TYW1: variants seen among roughly 807,000 people sequenced by gnomAD.
The protein encoded by TYW1 is tRNA-yW synthesizing protein 1 homolog.
In TYW1, 46 loss-of-function variants were observed where a neutral mutation model predicts 96.2. The observed-to-expected ratio is 0.48, with a 90% CI of 0.38 to 0.61. TYW1 has a LOEUF of 0.61. Ranked by LOEUF, TYW1 falls within the 20% of genes least tolerant of loss-of-function variation. The pLI is 0.00. For missense variants in TYW1, 684 were observed against 909.6 expected (o/e 0.75, Z 3.19); for synonymous variants, 274 against 323.0 (o/e 0.85, Z 1.63).
chr7:67,064,026 A>C (rs1795784436), intron 9 of TYW1, among the ~76,000 whole-genome samples: 1 of 152,232 alleles, frequency 6.6e-6, no homozygotes, highest in Admixed American at 6.5e-5. Flanking sequence ...GGATGCTGAA[A>C]ATTTTTAAAA....
At chr7:67,032,927 C>T (rs546318585) in intron 7 of TYW1, among the ~76,000 whole-genome samples, 11 of 99,646 alleles carry the variant, frequency 1.1e-4, no homozygotes, top group African/African-American at 4.3e-4. Context: ...GACAGAATCT[C>T]GCTGTCTCAT....
intron 4 of TYW1, among the ~76,000 whole-genome samples, chr7:67,012,901 AAACC>A (rs1793862254): frequency 6.6e-6 from 1 of 151,706 alleles, no homozygotes; most frequent in Non-Finnish European, 1.5e-5. Context: ...TTAAAAAAAA[AAACC>A]AAAACAGAAA....
intron 12 of TYW1, among the ~76,000 whole-genome samples, chr7:67,109,521 A>C (rs573032354): frequency 7.0e-4 from 107 of 152,342 alleles, no homozygotes; most frequent in African/African-American, 2.4e-3. Flanking sequence ...GTTGCATCTC[A>C]GTAAGAAAAA....
In TYW1 at chr7:67,183,188, C is replaced by T. The variant is rs1377652144; in HGVS notation, c.1761C>T (p.Ala587=). 6.2e-7 allele frequency: 1 copy of T among 1,611,142 alleles called. No individual in the cohort carries two copies. The highest frequency in any genetic ancestry group is 1.3e-5 in the African/African-American group (1 of 74,834). The change falls in exon 14 of 16, where the codon GCC becomes GCT. Residue 587 remains alanine (A), a synonymous_variant. Transcript: ENST00000359626. Reference sequence around the variant, plus strand: ...CATGGAACGTGGACGAGCTCCAGGCCTACGCGCAGCTCGTGTCCCTGGGGA... The same window carrying T: ...CATGGAACGTGGACGAGCTCCAGGCTTACGCGCAGCTCGTGTCCCTGGGGA... The part of the protein sequence containing the change: ...VKAWNVDELQ[A]YAQLVSLGNP...
Position 67,158,640 on chromosome 7 carries a change from G to A in TYW1, c.1699-24486G>A, listed in dbSNP as rs1211804243. On this transcript the variant is annotated intron_variant, in intron 13 of 15. Coordinates refer to ENST00000359626, the MANE Select transcript of TYW1 (RefSeq NM_018264.4). Reference sequence around the variant, plus strand: ...GCTGGAGTGCAGTGGCATGATCTTGGCTCACTGCAAGCTCCGCCTCCCGGG... The same window carrying A: ...GCTGGAGTGCAGTGGCATGATCTTGACTCACTGCAAGCTCCGCCTCCCGGG... Among the ~76,000 whole-genome samples the A allele has an allele frequency of 6.6e-5, 10 of 152,068 alleles. No individual in the cohort carries two copies. In the East Asian group the frequency reaches 1.9e-3, roughly 30 times the overall value.
chr7:67,134,945 CAAAAAAAAA>C (rs55746054), intron 13 of TYW1, among the ~76,000 whole-genome samples: 6 of 66,356 alleles, frequency 9.0e-5, no homozygotes, highest in South Asian at 6.1e-4. Flanking sequence ...CTTTCTCTAC[CAAAAAAAAA>C]AAAAAAAAAA....
intron 12 of TYW1, among the ~76,000 whole-genome samples, chr7:67,098,994 C>G (rs1256684069): frequency 6.6e-6 from 1 of 151,452 alleles, no homozygotes; most frequent in African/African-American, 2.4e-5. Flanking sequence ...GTAAAACTTA[C>G]CAGAGAAGCT....
chr7:66,997,664 T>C (rs915050167), intron 1 of TYW1, among the ~76,000 whole-genome samples: 1 of 127,840 alleles, frequency 7.8e-6, no homozygotes, highest in African/African-American at 2.9e-5. Flanking sequence ...AGCCTTGCTC[T>C]GTCGCCCAGG....
intron 15 of TYW1, among the ~76,000 whole-genome samples, chr7:67,232,114 C>T (rs991615126): frequency 6.6e-6 from 1 of 151,152 alleles, no homozygotes; most frequent in Non-Finnish European, 1.5e-5. Flanking sequence ...GCCTGTAGTC[C>T]CAGCTACCCT....
chr7:67,080,737 C>T (rs908905089), intron 10 of TYW1, among the ~76,000 whole-genome samples: 5 of 152,004 alleles, frequency 3.3e-5, no homozygotes, highest in Admixed American at 2.0e-4. Context: ...ATTTTTCCAT[C>T]GCATTCACTT....
chr7:67,132,719 C>G (rs1798122393), intron 13 of TYW1, among the ~76,000 whole-genome samples: 1 of 152,130 alleles, frequency 6.6e-6, no homozygotes, highest in Admixed American at 6.5e-5. Context: ...AGTAGCCTCC[C>G]TCATTTCTTC....
At chr7:67,135,333 C>T (rs1224274966) in intron 13 of TYW1, among the ~76,000 whole-genome samples, 1 of 112,700 alleles carries the variant, frequency 8.9e-6, no homozygotes, top group Admixed American at 9.9e-5. Flanking sequence ...GAGACAGTCT[C>T]TCACTCTGTC....
At chr7:67,010,683 G>A (rs1434844148) in intron 4 of TYW1, among the ~76,000 whole-genome samples, 6 of 151,848 alleles carry the variant, frequency 4.0e-5, no homozygotes, top group Non-Finnish European at 7.4e-5. Flanking sequence ...CACCGTGTTC[G>A]CCAGGATGGT....
chr7:67,213,892 A>G (rs1364348033), intron 15 of TYW1, among the ~76,000 whole-genome samples: 4 of 152,108 alleles, frequency 2.6e-5, no homozygotes, highest in Non-Finnish European at 5.9e-5. Flanking sequence ...TCTTTCCCCA[A>G]TACCATGCAG....
At chr7:67,074,278 C>T (rs1796137042) in intron 10 of TYW1, among the ~76,000 whole-genome samples, 1 of 152,122 alleles carries the variant, frequency 6.6e-6, no homozygotes, top group Non-Finnish European at 1.5e-5. Context: ...CCTAGTTTTT[C>T]TTGTTTCACA....
At chr7:67,224,783 G>A (rs1252168668) in intron 15 of TYW1, among the ~76,000 whole-genome samples, 1 of 152,154 alleles carries the variant, frequency 6.6e-6, no homozygotes, top group Non-Finnish European at 1.5e-5. Flanking sequence ...CATTTATTAA[G>A]GTTACCGTGG....
intron 10 of TYW1, among the ~76,000 whole-genome samples, chr7:67,074,566 G>A (rs1206515834): frequency 2.0e-5 from 3 of 152,136 alleles, no homozygotes; most frequent in African/African-American, 7.2e-5. Flanking sequence ...ATGGCTTCTG[G>A]TAAAGAAGGA....
At chr7:67,201,221 C>T (rs1450260251) in intron 15 of TYW1, among the ~76,000 whole-genome samples, 2 of 147,234 alleles carry the variant, frequency 1.4e-5, no homozygotes, top group Non-Finnish European at 2.9e-5. Context: ...GTCTTGGCTA[C>T]TCGGGAGGCT....
intron 13 of TYW1, among the ~76,000 whole-genome samples, chr7:67,177,228 G>T (rs1323438956): frequency 6.6e-6 from 1 of 151,652 alleles, no homozygotes; most frequent in Non-Finnish European, 1.5e-5. Context: ...GTGGATTTTT[G>T]ACACAAATGT....
Sources: allele counts gnomAD v4.1 joint callset (sites outside exome capture counted in the v4.1 genomes callset), GRCh38; gene constraint gnomAD v4.1.1; transcripts MANE v1.5; gene names NCBI Gene and HGNC (gene_info 2026-07-23, HGNC 2026-07-21).